The following CDK15 variants were observed in gnomAD, a reference collection of about 807,000 sequenced individuals.
CDK15 encodes cyclin dependent kinase 15, also known as cyclin-dependent kinase 15.
CDK15 carries 62 observed loss-of-function variants against 60.3 expected under a neutral mutation model. The observed-to-expected ratio is 1.03, with a 90% CI of 0.84 to 1.27. The LOEUF is 1.27. Ranked by LOEUF, CDK15 falls within the 50% of genes most tolerant of loss-of-function variation. The pLI, the probability that CDK15 is intolerant of heterozygous loss-of-function variation, is 0.00. For missense variants in CDK15, 541 were observed against 527.8 expected (o/e 1.03, Z -0.25); for synonymous variants, 194 against 195.7 (o/e 0.99, Z 0.07).
At chr2:201,877,304 G>T (rs1699113438) in intron 11 of CDK15, among the ~76,000 whole-genome samples, 1 of 152,196 alleles carries the variant, frequency 6.6e-6, no homozygotes, top group Admixed American at 6.5e-5. Context: ...GGGCAGTTCA[G>T]GAGCCATCTG....
At chr2:201,836,170 T>TA (rs368635046) in intron 8 of CDK15, among the ~76,000 whole-genome samples, 4,190 of 73,222 alleles carry the variant, frequency 0.057, 236 homozygotes, top group East Asian at 0.27. Context: ...ATTTATATAT[T>TA]TATATATTAT....
rs771749929 is a variant in CDK15 at position 201,823,737 on chromosome 2, T to C, written c.606+10T>C. On this transcript the variant is annotated intron_variant, in intron 6 of 13. Coordinates refer to ENST00000652192, the MANE Select transcript of CDK15 (RefSeq NM_001366386.2). The stretch of plus-strand genomic sequence containing the variant: ...TCCTCATAATGTCAGAGTGAGTACG[T>C]TAAGGGTCAGGACCCTCTCCTGGCT... 6.2e-7 allele frequency: 1 copy of C among 1,612,932 alleles called. No individual in the cohort carries two copies. Among genetic ancestry groups the C allele is most frequent in the South Asian group, 1.1e-5 (1 of 91,056 alleles).
At chr2:201,888,720 C>A in intron 12 of CDK15, 1 of 1,234,972 alleles carries the variant, frequency 8.1e-7, no homozygotes, top group Non-Finnish European at 1.0e-6. Context: ...TAGTGTCTCT[C>A]TCTCTCTCCC....
chr2:201,860,867 A>G (rs941607831), intron 10 of CDK15: 45 of 1,351,970 alleles, frequency 3.3e-5, no homozygotes, highest in Non-Finnish European at 4.4e-5. Flanking sequence ...ACTGCGTCTG[A>G]AACCACTATG....
At chr2:201,864,612 C>A (rs1376078456) in intron 10 of CDK15, among the ~76,000 whole-genome samples, 1 of 152,142 alleles carries the variant, frequency 6.6e-6, no homozygotes, top group Non-Finnish European at 1.5e-5. Context: ...AGCCACCGTG[C>A]CTGCCCTAGG....
intron 10 of CDK15, among the ~76,000 whole-genome samples, chr2:201,860,214 C>T (rs1698332993): frequency 2.0e-5 from 3 of 152,198 alleles, no homozygotes; most frequent in Non-Finnish European, 2.9e-5. Flanking sequence ...CTCAAAAGCG[C>T]TGAGTTTAAA....
At chr2:201,846,330 TAA>T (rs942637942) in intron 8 of CDK15, among the ~76,000 whole-genome samples, 1 of 151,966 alleles carries the variant, frequency 6.6e-6, no homozygotes, top group Non-Finnish European at 1.5e-5. Context: ...ACGTTTCTAC[TAA>T]AAATACAAAA....
intron 4 of CDK15, among the ~76,000 whole-genome samples, chr2:201,815,355 G>A (rs1225424213): frequency 1.3e-5 from 2 of 152,092 alleles, no homozygotes; most frequent in African/African-American, 4.8e-5. Context: ...AAAATTCATA[G>A]GCTTTCTACG....
At chr2:201,871,006 T>C (rs543901875) in intron 10 of CDK15, among the ~76,000 whole-genome samples, 1 of 152,222 alleles carries the variant, frequency 6.6e-6, no homozygotes, top group African/African-American at 2.4e-5. Flanking sequence ...ATACTAAGAA[T>C]CATGAAAACA....
chr2:201,855,183 A>G (rs1246706943), intron 10 of CDK15, among the ~76,000 whole-genome samples: 3 of 152,212 alleles, frequency 2.0e-5, no homozygotes, highest in African/African-American at 7.2e-5. Context: ...TGAAATGACT[A>G]TTACTGTGGA....
intron 6 of CDK15, among the ~76,000 whole-genome samples, chr2:201,826,414 G>A (rs1379929743): frequency 1.6e-5 from 2 of 124,342 alleles, no homozygotes; most frequent in Non-Finnish European, 3.2e-5. Context: ...AGCCGAGATC[G>A]CGCCACTGCA....
chr2:201,817,476 T>C (rs999446687), intron 4 of CDK15, among the ~76,000 whole-genome samples: 1 of 152,230 alleles, frequency 6.6e-6, no homozygotes, highest in African/African-American at 2.4e-5. Context: ...TATTCATCAA[T>C]TCTGATTCTA....
intron 4 of CDK15, among the ~76,000 whole-genome samples, chr2:201,813,598 T>C (rs1695867528): frequency 6.6e-6 from 1 of 152,232 alleles, no homozygotes; most frequent in Non-Finnish European, 1.5e-5. Context: ...ATTTGCAGTC[T>C]TAACAGAGCA....
intron 10 of CDK15, among the ~76,000 whole-genome samples, chr2:201,869,938 C>T (rs1202654827): frequency 6.6e-6 from 1 of 152,208 alleles, no homozygotes. Context: ...CTTATCTTTA[C>T]TGGTTATTTT....
chr2:201,807,924 T>C lies in CDK15; in HGVS notation c.340T>C (p.Tyr114His), dbSNP rs766721567. The C allele has an allele frequency of 1.9e-6, 3 of 1,613,982 alleles. No individual in the cohort carries two copies. The highest frequency in any genetic ancestry group is 2.7e-5 in the African/African-American group (2 of 74,910). ...CTTGGAGAAGCTGGGTGAAGGCTCT[T>C]ATGCGACAGTTTACAAGGGGATTAG... ...LNLEKLGEGS[Y>H]ATVYKGISRI... is the part of the protein sequence containing the mutation. Residue 114 changes from tyrosine (Y) to histidine (H), a missense_variant, in exon 3 of 14, where the codon TAT becomes CAT. Coordinates refer to ENST00000652192, the MANE Select transcript of CDK15 (RefSeq NM_001366386.2).
At chr2:201,837,866 T>G (rs1697197602) in intron 8 of CDK15, among the ~76,000 whole-genome samples, 1 of 152,224 alleles carries the variant, frequency 6.6e-6, no homozygotes, top group Admixed American at 6.5e-5. Flanking sequence ...ACTAAGCTTT[T>G]AGATCTCCCA....
intron 12 of CDK15, among the ~76,000 whole-genome samples, chr2:201,886,789 CT>C (rs1348126302): frequency 2.0e-5 from 3 of 152,182 alleles, no homozygotes; most frequent in African/African-American, 7.2e-5. Flanking sequence ...AATAAATTGA[CT>C]GCTTTACTAG....
intron 11 of CDK15, among the ~76,000 whole-genome samples, chr2:201,879,421 C>G (rs1033063486): frequency 2.0e-5 from 3 of 152,146 alleles, no homozygotes; most frequent in Admixed American, 6.5e-5. Context: ...GTTCTGTTGC[C>G]CAGGCTGGAG....
At chr2:201,847,072 T>C (rs1388144621) in intron 8 of CDK15, among the ~76,000 whole-genome samples, 1 of 152,150 alleles carries the variant, frequency 6.6e-6, no homozygotes, top group Non-Finnish European at 1.5e-5. Flanking sequence ...GGGGATGAAA[T>C]GAAATTTGGG....
Sources: gnomAD v4.1 joint callset for allele counts (sites outside exome capture counted in the v4.1 genomes callset) on GRCh38, gnomAD v4.1.1 for gene constraint, MANE v1.5 for transcripts, NCBI Gene and HGNC (gene_info 2026-07-23, HGNC 2026-07-21) for gene names.